Variants in HAPLN2 observed in about 807,000 individuals in gnomAD.
HAPLN2 encodes hyaluronan and proteoglycan link protein 2.
A neutral mutation model predicts 29.3 loss-of-function variants in HAPLN2; 27 were observed. That is an observed-to-expected ratio of 0.92 (90% CI 0.68 to 1.27). The LOEUF (loss-of-function observed/expected upper bound fraction) is 1.27, where lower values mean the gene tolerates loss of function less well. HAPLN2 is among the 50% of genes most tolerant of loss of function. HAPLN2 has a pLI of 0.00. For missense variants in HAPLN2, 454 were observed against 484.3 expected (o/e 0.94, Z 0.59); for synonymous variants, 208 against 211.7 (o/e 0.98, Z 0.15).
At chr1:156,607,416 G>A in the HAPLN2 span, among the ~76,000 whole-genome samples, 1 of 152,020 alleles carries the variant, frequency 6.6e-6, no homozygotes, top group Non-Finnish European at 1.5e-5. Flanking sequence ...GGAGGTGGAG[G>A]TTGTAGTGAG....
the HAPLN2 span, among the ~76,000 whole-genome samples, chr1:156,603,882 C>G: frequency 2.0e-5 from 3 of 152,122 alleles, no homozygotes; most frequent in Non-Finnish European, 2.9e-5. Context: ...AGAGTTATGG[C>G]AAGGTCAGGA....
At chr1:156,620,318 C>T (rs1380500460) in intron 2 of HAPLN2, among the ~76,000 whole-genome samples, 160 bp downstream of exon 2, 1 of 152,188 alleles carries the variant, frequency 6.6e-6, no homozygotes, top group African/African-American at 2.4e-5. Flanking sequence ...CTCTTACTAG[C>T]TGTGTGACCT....
the HAPLN2 span, chr1:156,601,531 C>T: frequency 6.9e-7 from 1 of 1,444,988 alleles, no homozygotes. Context: ...CCGCGGGAAC[C>T]AAAATCACGG....
At chr1:156,602,549 C>CAAAAA in the HAPLN2 span, among the ~76,000 whole-genome samples, 1 of 43,752 alleles carries the variant, frequency 2.3e-5, no homozygotes, top group Non-Finnish European at 4.3e-5. Flanking sequence ...CTAAAAATAC[C>CAAAAA]AAAAAAAAAA....
At chr1:156,601,907 A>T in the HAPLN2 span, among the ~76,000 whole-genome samples, 4 of 151,762 alleles carry the variant, frequency 2.6e-5, no homozygotes, top group Admixed American at 6.6e-5. Context: ...AAGCCTAGAG[A>T]CTAGACATCT....
At chr1:156,619,682 A>G (rs1678158119) in intron 1 of HAPLN2, 147 bp downstream of exon 1, 1 of 141,064 alleles carries the variant, frequency 7.1e-6, no homozygotes, top group African/African-American at 2.7e-5. Context: ...CAACACCTTC[A>G]TATCCACCGA....
At position 156,624,737 on chromosome 1, in the gene HAPLN2, G is replaced by C; in HGVS notation, c.693G>C (p.Arg231=). 1 of 1,559,048 alleles carries C rather than the reference G, an allele frequency of 6.4e-7. No homozygotes were observed. The highest frequency in any genetic ancestry group is 8.6e-7 in the Non-Finnish European group (1 of 1,160,800). The change falls in exon 6 of 7, where the codon CGG becomes CGC. Residue 231 remains arginine, a synonymous_variant. Transcript: ENST00000255039. ...TCCGCAGCTACGGACCCCGCGACCG[G>C]ATGCGCGACCGCTACGACGCCTTCT... ...PGIRSYGPRD[R]MRDRYDAFCF... is the part of the protein sequence containing the mutation.
chr1:156,618,415 G>C (rs376619033), upstream of HAPLN2, among the ~76,000 whole-genome samples: 11 of 151,794 alleles, frequency 7.2e-5, no homozygotes, highest in East Asian at 1.9e-3. Flanking sequence ...GGTGTTCGAG[G>C]CTGCAGTGAG....
the HAPLN2 span, among the ~76,000 whole-genome samples, chr1:156,605,458 G>A: frequency 6.6e-6 from 1 of 151,246 alleles, no homozygotes; most frequent in African/African-American, 2.4e-5. Context: ...AAATTAGCCG[G>A]GTGCAGTGAC....
In HAPLN2 at chr1:156,625,234, C is replaced by G; in HGVS notation, c.873C>G (p.Asp291Glu). ...AWKFSGLDQCDGGWLADGSVR... is the reference protein window; with the variant it reads ...AWKFSGLDQCEGGWLADGSVR... The stretch of plus-strand genomic sequence containing the variant: ...AGTTTTCGGGGCTAGACCAGTGCGA[C>G]GGCGGCTGGCTGGCTGACGGCAGTG... The change falls in exon 7 of 7, where the codon GAC becomes GAG. Residue 291 changes from aspartate to glutamate, a missense_variant. By Grantham distance (45) the Asp-to-Glu change is conservative. Coordinates refer to ENST00000255039, the MANE Select transcript of HAPLN2 (RefSeq NM_021817.3). This position sits in a 1 kb window ranked among gnomAD's most constrained non-coding sequence, Gnocchi z 5.7. The G allele has an allele frequency of 6.4e-7, 1 of 1,572,012 alleles. No homozygotes were observed. Among genetic ancestry groups the G allele is most frequent in the Non-Finnish European group, 8.6e-7 (1 of 1,159,716 alleles).
At chr1:156,601,752 G>T in the HAPLN2 span, among the ~76,000 whole-genome samples, 3 of 152,138 alleles carry the variant, frequency 2.0e-5, no homozygotes, top group African/African-American at 7.2e-5. Flanking sequence ...AGTCCCGGGC[G>T]CAAATACGAG....
Position 156,625,313 on chromosome 1 carries a change from G to A in HAPLN2, c.952G>A (p.Gly318Arg), listed in dbSNP as rs370307490. 3 of 1,589,918 alleles carry A rather than the reference G, an allele frequency of 1.9e-6. No individual in the cohort carries two copies. Among genetic ancestry groups the A allele is most frequent in the African/African-American group, 1.3e-5 (1 of 74,256 alleles). ...GCGCTGCGGGGGGCTCCCGGATCCCGGAGTGCGCAGTTTCGGCTTCCCCAG... is the reference window on the plus strand; with the variant it reads ...GCGCTGCGGGGGGCTCCCGGATCCCAGAGTGCGCAGTTTCGGCTTCCCCAG... ...RPRCGGLPDP[G>R]VRSFGFPRPQ... The change falls in exon 7 of 7, where the codon GGA becomes AGA. Residue 318 changes from glycine to arginine, a missense_variant. This residue lies in a region of HAPLN2 where 235 missense variants were observed against 236.9 expected (regional missense o/e 0.99). Coordinates refer to ENST00000255039, the MANE Select transcript of HAPLN2 (RefSeq NM_021817.3). This position sits in a 1 kb window ranked among gnomAD's most constrained non-coding sequence, Gnocchi z 5.7.
the HAPLN2 span, among the ~76,000 whole-genome samples, chr1:156,607,448 C>T: frequency 6.6e-6 from 1 of 151,930 alleles, no homozygotes; most frequent in Non-Finnish European, 1.5e-5. Context: ...ACACTGCACT[C>T]CAGTCTGGGT....
chr1:156,602,679 G>GA, the HAPLN2 span, among the ~76,000 whole-genome samples: 8,086 of 140,816 alleles, frequency 0.057, 324 homozygotes, highest in African/African-American at 0.11. Context: ...CAGTGAGCCA[G>GA]AAAAAAAAAA....
At chr1:156,601,779 G>A in the HAPLN2 span, among the ~76,000 whole-genome samples, 123 of 152,220 alleles carry the variant, frequency 8.1e-4, no homozygotes, top group African/African-American at 2.7e-3. Flanking sequence ...AAACTCCAGG[G>A]AAGCATTGAG....
In HAPLN2 at chr1:156,623,994, C is replaced by G; in HGVS notation, c.273C>G (p.Ala91=). 1 of 1,609,002 alleles carries G rather than the reference C, an allele frequency of 6.2e-7. No individual in the cohort carries two copies. The highest frequency in any genetic ancestry group is 8.5e-7 in the Non-Finnish European group (1 of 1,177,648). Residue 91 remains alanine (A), a synonymous_variant, in exon 4 of 7, where the codon GCC becomes GCG. Transcript: ENST00000255039. The stretch of plus-strand genomic sequence containing the variant: ...TCCTCATCACCAACGGACTGCACGC[C>G]CGGGGGTATGGGCCCCTGGGAGGGC... ...TLILITNGLH[A]RGYGPLGGRA...
intron 6 of HAPLN2, 120 bp from the exon 7 acceptor site, chr1:156,624,981 C>A: frequency 7.7e-7 from 1 of 1,304,340 alleles, no homozygotes; most frequent in South Asian, 1.5e-5. Flanking sequence ...TCCCCCAACT[C>A]CTCTTACCCA....
the HAPLN2 span, among the ~76,000 whole-genome samples, chr1:156,608,204 CAGAG>C: frequency 3.3e-5 from 5 of 152,218 alleles, no homozygotes; most frequent in East Asian, 1.9e-4. Context: ...CGACAGAGCA[CAGAG>C]AGAGATGGAA....
chr1:156,615,950 AT>A (rs1678048048), upstream of HAPLN2, among the ~76,000 whole-genome samples: 1 of 151,052 alleles, frequency 6.6e-6, no homozygotes, highest in Non-Finnish European at 1.5e-5. Context: ...AAAAAAAATT[AT>A]TAAAAAAATG....
Sources: gnomAD v4.1 joint callset for allele counts (sites outside exome capture counted in the v4.1 genomes callset) on GRCh38, gnomAD v4.1.1 for gene constraint, gnomAD v4.1.1 regional missense constraint, Gnocchi (gnomAD v3.1) non-coding constraint, MANE v1.5 for transcripts, NCBI Gene and HGNC (gene_info 2026-07-23, HGNC 2026-07-21) for gene names.